Variants in ALDH1L1 observed in about 807,000 individuals in gnomAD.
ALDH1L1 encodes aldehyde dehydrogenase 1 family member L1.
In ALDH1L1, 68 loss-of-function variants were observed where a neutral mutation model predicts 101.1. The ratio of observed to expected loss-of-function variants is 0.67; its 90% CI spans 0.55 to 0.82. The LOEUF is 0.82. ALDH1L1 is among the 40% of genes least tolerant of loss of function. ALDH1L1 has a pLI of 0.00. For synonymous variants in ALDH1L1, 486 were observed against 470.8 expected, an observed-to-expected ratio of 1.03 and a Z score of -0.42; for missense variants, 1,087 against 1,172.7, an observed-to-expected ratio of 0.93 and a Z score of 1.07.
chr3:126,135,367 C>G (rs2080410117), intron 12 of ALDH1L1, 168 bp downstream of exon 12: 3 of 832,494 alleles, frequency 3.6e-6, no homozygotes, highest in Non-Finnish European at 3.5e-6. Flanking sequence ...CTTTTCTGAG[C>G]CTCAGGCAAG....
intron 1 of ALDH1L1, among the ~76,000 whole-genome samples, chr3:126,163,950 A>C (rs1431677602): frequency 2.0e-5 from 3 of 152,122 alleles, no homozygotes; most frequent in African/African-American, 2.4e-5. Flanking sequence ...CCTGGGCAAC[A>C]TAGTGAGACC....
At position 126,137,710 on chromosome 3, in the gene ALDH1L1, T is replaced by C. The variant is rs1216323291; in HGVS notation, c.1224+103A>G. On this transcript the variant is annotated intron_variant, in intron 10 of 22. Coordinates refer to ENST00000393434, the MANE Select transcript of ALDH1L1 (RefSeq NM_012190.4). ...ACTGAAGGGTGGGCTCCTGGGGCCC[T>C]GGCTTTCTGAATGTCCAGGTTTCCC... is the stretch of plus-strand genomic sequence containing the variant. 5 of 1,482,040 alleles carry C rather than the reference T, an allele frequency of 3.4e-6. No homozygotes were observed. The East Asian group carries it at 7.0e-5, about 21-fold the overall frequency. 91.8% of individuals were successfully genotyped at this position (1,482,040 alleles called of 1,614,324 possible). A position where few individuals can be genotyped will look rare whatever the true frequency, so the allele number is the denominator to read the frequency against.
intron 8 of ALDH1L1, among the ~76,000 whole-genome samples, chr3:126,149,169 T>C (rs536956326): frequency 1.3e-5 from 2 of 152,372 alleles, no homozygotes; most frequent in Admixed American, 6.5e-5. Flanking sequence ...TCTGAGAACT[T>C]TTGTCCACAG....
rs187873724 is a variant in ALDH1L1, at chr3:126,165,986, T to C, written c.-23-4984A>G. ...GCTTTGGGGTTGGTTTGTTCTTTTTTTCTAGTTCCTTTAGGTGAAGTTAGT... is the reference window on the plus strand; with the variant it reads ...GCTTTGGGGTTGGTTTGTTCTTTTTCTCTAGTTCCTTTAGGTGAAGTTAGT... On this transcript the variant is annotated intron_variant, in intron 1 of 22. Coordinates refer to ENST00000393434, the MANE Select transcript of ALDH1L1 (RefSeq NM_012190.4). Among the ~76,000 whole-genome samples, 8 of 152,338 alleles carry C rather than the reference T, an allele frequency of 5.3e-5. No individual in the cohort carries two copies. The East Asian group carries it at 1.5e-3, about 29-fold the overall frequency.
At chr3:126,164,323 A>G (rs374063966) in intron 1 of ALDH1L1, among the ~76,000 whole-genome samples, 15 of 152,318 alleles carry the variant, frequency 9.8e-5, no homozygotes, top group Admixed American at 7.2e-4. Context: ...ATATATGAAC[A>G]TATTGCACCC....
intron 4 of ALDH1L1, 100 bp from the exon 5 acceptor site, chr3:126,155,603 A>C (rs1559959211): frequency 2.9e-6 from 3 of 1,022,824 alleles, no homozygotes; most frequent in Non-Finnish European, 4.1e-6. Flanking sequence ...CAGACTGACC[A>C]GACTTGCCTG....
chr3:126,171,797 A>G (rs1472039596), intron 1 of ALDH1L1, among the ~76,000 whole-genome samples: 1 of 152,214 alleles, frequency 6.6e-6, no homozygotes, highest in African/African-American at 2.4e-5. Context: ...AAGGGGTAGG[A>G]CTGAGAAACA....
At chr3:126,178,945 A>AAT (rs777607705) in intron 1 of ALDH1L1, among the ~76,000 whole-genome samples, 3 of 152,048 alleles carry the variant, frequency 2.0e-5, no homozygotes, top group Admixed American at 1.3e-4. Context: ...TTCTGAAAAA[A>AAT]AAAAATAAAA....
intron 16 of ALDH1L1, among the ~76,000 whole-genome samples, chr3:126,119,901 A>T (rs2080044517): frequency 6.6e-6 from 1 of 152,240 alleles, no homozygotes; most frequent in Non-Finnish European, 1.5e-5. Context: ...TTGTCATTAG[A>T]GAATAAAAGA....
chr3:126,165,686 T>A (rs751922808), intron 1 of ALDH1L1, among the ~76,000 whole-genome samples: 1 of 152,206 alleles, frequency 6.6e-6, no homozygotes, highest in African/African-American at 2.4e-5. Context: ...ATCCATTTCC[T>A]TTAGATTTTC....
chr3:126,167,504 TA>T (rs1215513886), intron 1 of ALDH1L1, among the ~76,000 whole-genome samples: 1 of 152,176 alleles, frequency 6.6e-6, no homozygotes, highest in Non-Finnish European at 1.5e-5. Flanking sequence ...ATACTATCTC[TA>T]TAAACATGTC....
At chr3:126,117,971 C>A (rs1223947651) in intron 17 of ALDH1L1, 34 bp downstream of exon 17, 1 of 1,581,204 alleles carries the variant, frequency 6.3e-7, no homozygotes, top group African/African-American at 1.3e-5. Flanking sequence ...CAGCCCACAG[C>A]AGCCCCTCCT....
intron 7 of ALDH1L1, chr3:126,151,479 T>C (rs2080805570): frequency 1.3e-5 from 2 of 152,228 alleles, no homozygotes; most frequent in Non-Finnish European, 2.9e-5. Flanking sequence ...CTCTAGTGTC[T>C]GCCTCAGATT....
intron 3 of ALDH1L1, 39 bp downstream of exon 3, chr3:126,158,366 T>C: frequency 1.3e-6 from 2 of 1,488,972 alleles, no homozygotes; most frequent in Middle Eastern, 1.7e-4. Flanking sequence ...TGGAGGGACA[T>C]GTATGGGGAT....
At position 126,153,516 on chromosome 3, in the gene ALDH1L1, G is replaced by A. The variant is rs370360799; in HGVS notation, c.786C>T (p.Pro262=). 22 of 1,614,058 alleles carry A rather than the reference G, an allele frequency of 1.4e-5. No individual in the cohort carries two copies. Among genetic ancestry groups the A allele is most frequent in the African/African-American group, 6.7e-5 (5 of 74,938 alleles). ...CCCCTGGCCGATGGGCTCCTGGGAT[G>A]GGCAAAGCGTCTCCCTCGGGCACCA... ...SGLVPEGDAL[P]IPGAHRPGVV... The change falls in exon 7 of 23, where the codon CCC becomes CCT. Residue 262 remains proline, a synonymous_variant. Coordinates refer to ENST00000393434, the MANE Select transcript of ALDH1L1 (RefSeq NM_012190.4).
chr3:126,106,070 T>C (rs550253428), intron 21 of ALDH1L1, 145 bp from the exon 22 acceptor site: 169 of 837,462 alleles, frequency 2.0e-4, no homozygotes, highest in Non-Finnish European at 2.7e-4. Context: ...GGGGCAAGAT[T>C]GGGTTGGGTT....
At chr3:126,197,940 A>C (rs779262600) in exon 1 of ALDH1L1, 8 of 100,456 alleles carry the variant, frequency 8.0e-5, no homozygotes, top group Non-Finnish European at 1.1e-4. Context: ...GAACAAATTT[A>C]TAGACAAAAA....
intron 1 of ALDH1L1, among the ~76,000 whole-genome samples, chr3:126,187,064 C>A (rs1324167434): frequency 2.6e-5 from 4 of 152,088 alleles, no homozygotes; most frequent in African/African-American, 9.7e-5. Flanking sequence ...TGCTGCCATT[C>A]CTGGAGCACA....
chr3:126,185,106 A>T (rs2081506538), upstream of ALDH1L1, among the ~76,000 whole-genome samples: 1 of 152,160 alleles, frequency 6.6e-6, no homozygotes, highest in African/African-American at 2.4e-5. Flanking sequence ...TAGGGATGAG[A>T]CTTAACAGAG....
Sources: allele counts gnomAD v4.1 joint callset (sites outside exome capture counted in the v4.1 genomes callset), GRCh38; gene constraint gnomAD v4.1.1; transcripts MANE v1.5; gene names NCBI Gene and HGNC (gene_info 2026-07-23, HGNC 2026-07-21).